CAPZA2: variants seen among roughly 807,000 people sequenced by gnomAD.
The protein encoded by CAPZA2 is F-actin-capping protein subunit alpha-2.
In CAPZA2, 13 loss-of-function variants were observed where a neutral mutation model predicts 44.0. The observed-to-expected ratio is 0.30, with a 90% CI of 0.19 to 0.47. The LOEUF (loss-of-function observed/expected upper bound fraction) is 0.47, where lower values mean the gene tolerates loss of function less well. Ranked by LOEUF, CAPZA2 falls within the 20% of genes least tolerant of loss-of-function variation. The pLI is 1.00. For missense variants in CAPZA2, 244 were observed against 338.6 expected (o/e 0.72, Z 2.19); for synonymous variants, 94 against 108.2 (o/e 0.87, Z 0.81).
intron 1 of CAPZA2, among the ~76,000 whole-genome samples, chr7:116,873,212 A>G (rs1167792086): frequency 6.6e-6 from 1 of 152,188 alleles, no homozygotes; most frequent in African/African-American, 2.4e-5. Context: ...GCTATTTCCC[A>G]TAGTAGTGTA....
intron 4 of CAPZA2, among the ~76,000 whole-genome samples, 159 bp from the exon 5 acceptor site, chr7:116,904,018 T>C (rs934284562): frequency 2.0e-5 from 3 of 152,226 alleles, no homozygotes; most frequent in African/African-American, 7.2e-5. Context: ...AGTCAACTCA[T>C]TTGAAGTATT....
intron 3 of CAPZA2, among the ~76,000 whole-genome samples, chr7:116,896,405 T>G (rs1336038580): frequency 6.6e-6 from 1 of 152,120 alleles, no homozygotes; most frequent in African/African-American, 2.4e-5. Flanking sequence ...AAATAAGCCT[T>G]TTAGGGATTT....
At chr7:116,868,237 G>A (rs949131041) in intron 1 of CAPZA2, among the ~76,000 whole-genome samples, 4 of 152,080 alleles carry the variant, frequency 2.6e-5, no homozygotes, top group African/African-American at 9.7e-5. Context: ...TTTGCTTACC[G>A]TTTTTTCCCT....
chr7:116,916,812 A>G (rs903433138), intron 9 of CAPZA2, among the ~76,000 whole-genome samples: 1 of 152,228 alleles, frequency 6.6e-6, no homozygotes, highest in Admixed American at 6.5e-5. Flanking sequence ...TTAGTGCTTC[A>G]GTGAGCATTG....
At chr7:116,884,590 A>G (rs1233806100) in intron 1 of CAPZA2, among the ~76,000 whole-genome samples, 1 of 152,206 alleles carries the variant, frequency 6.6e-6, no homozygotes, top group East Asian at 1.9e-4. Context: ...TGTCACATAT[A>G]TTAATGGTTT....
At chr7:116,908,637 T>A (rs895084310) in intron 6 of CAPZA2, among the ~76,000 whole-genome samples, 1 of 151,588 alleles carries the variant, frequency 6.6e-6, no homozygotes, top group Non-Finnish European at 1.5e-5. Context: ...TTTGGAATTA[T>A]TTTTTTTTCT....
At chr7:116,867,650 CT>C (rs1195118160) in intron 1 of CAPZA2, among the ~76,000 whole-genome samples, 6 of 146,380 alleles carry the variant, frequency 4.1e-5, no homozygotes, top group African/African-American at 1.3e-4. Context: ...GTGGCACGAT[CT>C]CGGCTCACTG....
Position 116,893,052 on chromosome 7 carries a change from A to G in CAPZA2, c.155+7A>G, listed in dbSNP as rs1247363080. On this transcript the variant is annotated splice_region_variant and intron_variant, in intron 3 of 9. Transcript: ENST00000361183. ...TCAGGGAAGGAGCAGCCCAGTAAGT[A>G]TTATTTATCATACTAACCTAACTAA... The G allele has an allele frequency of 1.9e-6, 3 of 1,566,588 alleles. No homozygotes were observed. Among genetic ancestry groups the G allele is most frequent in the South Asian group, 1.1e-5 (1 of 87,624 alleles).
intron 1 of CAPZA2, among the ~76,000 whole-genome samples, chr7:116,879,670 CT>C (rs1315249506): frequency 6.6e-6 from 1 of 152,148 alleles, no homozygotes; most frequent in Non-Finnish European, 1.5e-5. Context: ...GTAATGCTTG[CT>C]TGCCCACTCC....
chr7:116,872,472 C>T (rs1585001377), intron 1 of CAPZA2, among the ~76,000 whole-genome samples: 1 of 151,938 alleles, frequency 6.6e-6, no homozygotes, highest in East Asian at 1.9e-4. Flanking sequence ...AATTACCAAT[C>T]AAAATGATAA....
intron 1 of CAPZA2, among the ~76,000 whole-genome samples, chr7:116,884,858 A>T (rs1349813628): frequency 6.6e-6 from 1 of 152,164 alleles, no homozygotes; most frequent in African/African-American, 2.4e-5. Flanking sequence ...ATGATTTTGC[A>T]TTTCCACAGA....
In CAPZA2 at chr7:116,904,346, C is replaced by T. The variant is rs762566085; in HGVS notation, c.389C>T (p.Ala130Val). 3 of 1,613,310 alleles carry T rather than the reference C, an allele frequency of 1.9e-6. No homozygotes were observed. The highest frequency in any genetic ancestry group is 1.7e-6 in the Non-Finnish European group (2 of 1,179,434). ...WRTSVETALR[A>V]YVKEHYPNGV... ...ACTTCAGTAGAAACTGCTCTGAGAG[C>T]TTACGTAAAAGAACATTACCCGAAT... The change falls in exon 5 of 10, where the codon GCT becomes GTT. Residue 130 changes from alanine to valine, a missense_variant. Transcript: ENST00000361183.
At chr7:116,910,036 A>G (rs1370411394) in intron 6 of CAPZA2, 197 bp from the exon 7 acceptor site, 1 of 556,544 alleles carries the variant, frequency 1.8e-6, no homozygotes, top group African/African-American at 1.9e-5. Context: ...TCTTATCAGT[A>G]GGGTGAAAAT....
chr7:116,882,917 A>G (rs1160095350), intron 1 of CAPZA2, among the ~76,000 whole-genome samples: 1 of 152,208 alleles, frequency 6.6e-6, no homozygotes, highest in Non-Finnish European at 1.5e-5. Context: ...ATGGAGGGAT[A>G]GAGTTAATCT....
intron 1 of CAPZA2, among the ~76,000 whole-genome samples, chr7:116,880,733 T>TTTTTTTTTTTTTTTTTTC (rs1796686188): frequency 9.2e-6 from 1 of 108,604 alleles, no homozygotes; most frequent in Non-Finnish European, 1.9e-5. Flanking sequence ...TTTTTTTTTT[T>TTTTTTTTTTTTTTTTTTC]TGAGACAGTC....
At chr7:116,870,242 G>C (rs1417144299) in intron 1 of CAPZA2, among the ~76,000 whole-genome samples, 1 of 152,066 alleles carries the variant, frequency 6.6e-6, no homozygotes, top group African/African-American at 2.4e-5. Context: ...TACTAAATTG[G>C]GTCTAAAAAT....
At position 116,912,016 on chromosome 7, in the gene CAPZA2, A is replaced by G. The variant is rs372550398; in HGVS notation, c.586-53A>G. 1,716 of 1,605,090 alleles carry G rather than the reference A, an allele frequency of 1.1e-3. 2 individuals carry two copies. Among genetic ancestry groups the G allele is most frequent in the Non-Finnish European group, 1.3e-3 (1,549 of 1,174,440 alleles). On this transcript the variant is annotated intron_variant, in intron 7 of 9. Transcript: ENST00000361183. ...GCATTGATATGCTTGTTGACGCAAT[A>G]AGGTTCTTGATGATTCCTGTAATGT...
chr7:116,907,226 G>C (rs1252183258), intron 6 of CAPZA2, among the ~76,000 whole-genome samples: 1 of 152,182 alleles, frequency 6.6e-6, no homozygotes, highest in Non-Finnish European at 1.5e-5. Context: ...GGGTTGCAAG[G>C]TTAACCAAGA....
intron 3 of CAPZA2, among the ~76,000 whole-genome samples, chr7:116,897,534 C>T (rs1796943696): frequency 6.6e-6 from 1 of 152,092 alleles, no homozygotes; most frequent in South Asian, 2.1e-4. Context: ...GGAGCTAATA[C>T]CTGAAAATTC....
Sources: gnomAD v4.1 joint callset for allele counts (sites outside exome capture counted in the v4.1 genomes callset) on GRCh38, gnomAD v4.1.1 for gene constraint, MANE v1.5 for transcripts, NCBI Gene and HGNC (gene_info 2026-07-23, HGNC 2026-07-21) for gene names.